RIMS1: variants seen among roughly 807,000 people sequenced by gnomAD.
The protein encoded by RIMS1 is regulating synaptic membrane exocytosis 1, also known as regulating synaptic membrane exocytosis protein 1.
In RIMS1, 83 loss-of-function variants were observed where a neutral mutation model predicts 214.1. The observed-to-expected ratio is 0.39, with a 90% CI of 0.32 to 0.47. The LOEUF (loss-of-function observed/expected upper bound fraction) is 0.47, where lower values mean the gene tolerates loss of function less well. Ranked by LOEUF, RIMS1 falls within the 20% of genes least tolerant of loss-of-function variation. The pLI, the probability that RIMS1 is intolerant of heterozygous loss-of-function variation, is 0.99. For synonymous variants in RIMS1, 793 were observed against 786.8 expected (o/e 1.01, Z -0.13); for missense variants, 2,050 against 2,161.8 (o/e 0.95, Z 1.03).
At chr6:71,963,510 A>G (rs1793558611) in intron 1 of RIMS1, among the ~76,000 whole-genome samples, 3 of 152,112 alleles carry the variant, frequency 2.0e-5, no homozygotes, top group Non-Finnish European at 4.4e-5. Context: ...CTATTAAGAA[A>G]TTTCCCCATA....
intron 19 of RIMS1, 122 bp from the exon 20 acceptor site, chr6:72,264,853 A>G (rs2079692458): frequency 3.5e-6 from 2 of 577,718 alleles, no homozygotes; most frequent in African/African-American, 2.0e-5. Flanking sequence ...TTCTTTTGAG[A>G]AAAAAATGAC....
chr6:72,100,525 A>G (rs2033278776), intron 4 of RIMS1, among the ~76,000 whole-genome samples: 1 of 152,102 alleles, frequency 6.6e-6, no homozygotes, highest in East Asian at 1.9e-4. Flanking sequence ...GGAGAGTAAA[A>G]GGTCACTTTT....
intron 29 of RIMS1, among the ~76,000 whole-genome samples, chr6:72,354,896 A>G (rs1226059673): frequency 2.0e-5 from 3 of 152,148 alleles, no homozygotes; most frequent in South Asian, 2.1e-4. Flanking sequence ...CCAACTGCCA[A>G]TGTTAGATTT....
intron 2 of RIMS1, among the ~76,000 whole-genome samples, chr6:72,004,895 T>C (rs1192848650): frequency 2.0e-4 from 30 of 152,242 alleles, no homozygotes; most frequent in Admixed American, 3.3e-4. Flanking sequence ...TTTGTCAATT[T>C]TGGCTTTTGT....
In RIMS1 at chr6:72,298,581, CT is replaced by C. The variant is rs542472626; in HGVS notation, c.3850+6541del. ...AACACATTTACAACTGCAAGGAAGG[CT>C]TTTTTCACCCCTGTTTTATTGAAAT... On this transcript the variant is annotated intron_variant, in intron 26 of 33. Coordinates refer to ENST00000521978, the MANE Select transcript of RIMS1 (RefSeq NM_014989.7). Among the ~76,000 whole-genome samples, 325 of 152,100 alleles carry C rather than the reference CT, an allele frequency of 2.1e-3. 3 individuals carry two copies. The highest frequency in any genetic ancestry group is 6.3e-3 in the African/African-American group (260 of 41,516).
intron 4 of RIMS1, among the ~76,000 whole-genome samples, chr6:72,145,772 C>T (rs547663472): frequency 6.6e-6 from 1 of 152,310 alleles, no homozygotes; most frequent in Admixed American, 6.5e-5. Flanking sequence ...CCCTTCCAGT[C>T]AAAGCTTTGG....
At chr6:72,221,569 G>A (rs779021802) in intron 6 of RIMS1, among the ~76,000 whole-genome samples, 5 of 151,864 alleles carry the variant, frequency 3.3e-5, no homozygotes, top group African/African-American at 9.7e-5. Context: ...TATTTCAAAC[G>A]TGAATAATAA....
At chr6:72,328,122 A>C (rs113737033) in intron 28 of RIMS1, among the ~76,000 whole-genome samples, 1 of 151,974 alleles carries the variant, frequency 6.6e-6, no homozygotes, top group Non-Finnish European at 1.5e-5. Context: ...AATACTATGC[A>C]GCCATAAAAG....
chr6:72,038,090 C>CAAAAAAAAAAA (rs869130217), intron 2 of RIMS1, among the ~76,000 whole-genome samples: 1 of 22,242 alleles, frequency 4.5e-5, no homozygotes, highest in Non-Finnish European at 8.0e-5. Flanking sequence ...AACAAACAAG[C>CAAAAAAAAAAA]AAAAAAAAAA....
chr6:72,039,046 AT>A (rs1342929742), intron 2 of RIMS1, among the ~76,000 whole-genome samples: 2 of 152,188 alleles, frequency 1.3e-5, no homozygotes, highest in African/African-American at 4.8e-5. Context: ...ACAATTCAAT[AT>A]TGAAAATGAC....
chr6:72,269,633 C>G (rs7752362), intron 22 of RIMS1, among the ~76,000 whole-genome samples: 149,688 of 152,230 alleles, frequency 0.98, 73,643 homozygotes, highest in East Asian at 1. Flanking sequence ...ACACAATCTG[C>G]AACTACTTCT....
chr6:71,982,246 A>C (rs961285431), intron 2 of RIMS1, among the ~76,000 whole-genome samples: 2 of 152,126 alleles, frequency 1.3e-5, no homozygotes, highest in Non-Finnish European at 2.9e-5. Flanking sequence ...TTATTTTACT[A>C]TGAGACCTTG....
intron 28 of RIMS1, among the ~76,000 whole-genome samples, chr6:72,323,048 A>T (rs185180215): frequency 1.3e-5 from 2 of 152,186 alleles, no homozygotes; most frequent in African/African-American, 4.8e-5. Context: ...TTAGAGGGGT[A>T]TGACAAACAC....
intron 2 of RIMS1, among the ~76,000 whole-genome samples, chr6:72,021,639 C>A (rs1395550398): frequency 6.6e-6 from 1 of 152,040 alleles, no homozygotes; most frequent in Admixed American, 6.6e-5. Flanking sequence ...CAACAGAATA[C>A]CCCAAATAAC....
At chr6:72,095,099 C>T (rs1489978406) in intron 2 of RIMS1, among the ~76,000 whole-genome samples, 3 of 149,028 alleles carry the variant, frequency 2.0e-5, no homozygotes, top group Non-Finnish European at 3.0e-5. Context: ...CTACAGCCAC[C>T]GCCACCACGC....
chr6:72,012,246 C>T (rs141078142), intron 2 of RIMS1, among the ~76,000 whole-genome samples: 10,233 of 152,024 alleles, frequency 0.067, 394 homozygotes, highest in Non-Finnish European at 0.082. Context: ...AACCAAACAC[C>T]GCATGTTGTC....
chr6:71,969,352 G>A (rs2151342321), intron 2 of RIMS1, among the ~76,000 whole-genome samples: 1 of 152,298 alleles, frequency 6.6e-6, no homozygotes, highest in Admixed American at 6.5e-5. Flanking sequence ...GATTGTTTTA[G>A]ATTTGGAATG....
At chr6:72,110,399 C>A (rs1304055656) in intron 4 of RIMS1, among the ~76,000 whole-genome samples, 1 of 151,448 alleles carries the variant, frequency 6.6e-6, no homozygotes, top group Admixed American at 6.6e-5. Flanking sequence ...TTGTAGTTCT[C>A]CTTGAAGAGG....
At position 72,161,420 on chromosome 6, in the gene RIMS1, C is replaced by G. The variant is rs1468401389; in HGVS notation, c.472-18155C>G. On this transcript the variant is annotated intron_variant, in intron 4 of 33. Coordinates refer to ENST00000521978, the MANE Select transcript of RIMS1 (RefSeq NM_014989.7). The stretch of plus-strand genomic sequence containing the variant: ...TGCTCTGATCTTAGTTATTTCTTGC[C>G]TTCTGTTAGCTTTTGAATGTGTTTG... Among the ~76,000 whole-genome samples the G allele has an allele frequency of 1.1e-4, 16 of 139,746 alleles. 5 individuals carry two copies. Among genetic ancestry groups the G allele is most frequent in the Admixed American group, 4.4e-4 (6 of 13,614 alleles). 91.7% of individuals were successfully genotyped at this position (139,746 alleles called of 152,430 possible).
Sources: allele counts gnomAD v4.1 joint callset (sites outside exome capture counted in the v4.1 genomes callset), GRCh38; gene constraint gnomAD v4.1.1; transcripts MANE v1.5; gene names NCBI Gene and HGNC (gene_info 2026-07-23, HGNC 2026-07-21).